Variants in CLDN10 observed in about 807,000 individuals in gnomAD.
CLDN10 encodes the protein claudin-10.
In CLDN10, 15 loss-of-function variants were observed where a neutral mutation model predicts 22.9. The ratio of observed to expected loss-of-function variants is 0.65; its 90% CI spans 0.44 to 1.01. CLDN10 has a LOEUF of 1.01. Ranked by LOEUF, CLDN10 falls within the 50% of genes least tolerant of loss-of-function variation. The pLI, the probability that CLDN10 is intolerant of heterozygous loss-of-function variation, is 0.00. For missense variants in CLDN10, 247 were observed against 287.8 expected, an observed-to-expected ratio of 0.86 and a Z score of 1.03; for synonymous variants, 114 against 111.4, an observed-to-expected ratio of 1.02 and a Z score of -0.15.
intron 3 of CLDN10, 104 bp from the exon 4 acceptor site, chr13:95,577,127 C>A: frequency 1.3e-6 from 1 of 746,432 alleles, no homozygotes; most frequent in Non-Finnish European, 2.2e-6. Flanking sequence ...TTTTCAATAG[C>A]AAAAAAACAT....
intron 1 of CLDN10, among the ~76,000 whole-genome samples, chr13:95,483,709 A>G (rs1020177572): frequency 1.3e-5 from 2 of 152,202 alleles, no homozygotes; most frequent in African/African-American, 2.4e-5. Context: ...AGTTAGGTGG[A>G]CTTTTAGAAA....
intron 1 of CLDN10, among the ~76,000 whole-genome samples, chr13:95,484,865 C>CAAAAAAAAA: frequency 1.1e-5 from 1 of 93,640 alleles, no homozygotes; most frequent in Non-Finnish European, 2.1e-5. Context: ...GACCCTGTCT[C>CAAAAAAAAA]AAAAAAAAAA....
chr13:95,453,607 C>T (rs966328329), intron 1 of CLDN10, among the ~76,000 whole-genome samples: 1 of 151,986 alleles, frequency 6.6e-6, no homozygotes, highest in African/African-American at 2.4e-5. Flanking sequence ...TCACTTGAAC[C>T]CAGGAAGTGG....
At chr13:95,495,754 A>AAG (rs2138526145) in intron 1 of CLDN10, among the ~76,000 whole-genome samples, 2 of 150,470 alleles carry the variant, frequency 1.3e-5, no homozygotes, top group East Asian at 3.9e-4. Flanking sequence ...AAAAAAAAAA[A>AAG]AAAAGAAAAG....
chr13:95,567,934 C>T (rs2043806244), intron 3 of CLDN10, among the ~76,000 whole-genome samples: 1 of 152,128 alleles, frequency 6.6e-6, no homozygotes, highest in African/African-American at 2.4e-5. Context: ...TATTGATTTG[C>T]ATGTGAACAA....
chr13:95,534,878 G>A (rs2043383892), intron 1 of CLDN10, among the ~76,000 whole-genome samples: 1 of 152,104 alleles, frequency 6.6e-6, no homozygotes, highest in Admixed American at 6.6e-5. Flanking sequence ...AAGAATCTGT[G>A]TTTATTCTCA....
intron 1 of CLDN10, among the ~76,000 whole-genome samples, chr13:95,509,410 G>T (rs2043072321): frequency 6.6e-6 from 1 of 152,118 alleles, no homozygotes; most frequent in African/African-American, 2.4e-5. Context: ...CTGGGGGTCA[G>T]GTCTGACATC....
intron 1 of CLDN10, among the ~76,000 whole-genome samples, chr13:95,453,969 G>A (rs763994803): frequency 6.6e-5 from 10 of 151,980 alleles, no homozygotes; most frequent in Non-Finnish European, 1.2e-4. Context: ...GCTTCTGACA[G>A]CCCTGAATCT....
At chr13:95,463,078 C>T (rs1022695927) in intron 1 of CLDN10, among the ~76,000 whole-genome samples, 5 of 151,980 alleles carry the variant, frequency 3.3e-5, no homozygotes, top group Admixed American at 6.6e-5. Flanking sequence ...AGGGCAAGCC[C>T]TCTAACCAGG....
chr13:95,569,465 T>TC (rs1204754598), intron 3 of CLDN10, among the ~76,000 whole-genome samples: 1 of 152,016 alleles, frequency 6.6e-6, no homozygotes, highest in Non-Finnish European at 1.5e-5. Context: ...GTGCTTGTAG[T>TC]CCCAGCTACT....
intron 1 of CLDN10, 120 bp downstream of exon 1, chr13:95,553,093 C>A: frequency 1.5e-6 from 2 of 1,341,996 alleles, no homozygotes; most frequent in Non-Finnish European, 2.0e-6. Context: ...TGAGGCCCGA[C>A]CCGTCTCTCC....
intron 1 of CLDN10, among the ~76,000 whole-genome samples, chr13:95,435,222 C>T (rs943720195): frequency 3.3e-5 from 5 of 152,190 alleles, no homozygotes; most frequent in African/African-American, 9.6e-5. Flanking sequence ...GATACATTTA[C>T]AAATCTGCCA....
At chr13:95,487,253 A>G (rs1000713351) in intron 1 of CLDN10, among the ~76,000 whole-genome samples, 1 of 152,188 alleles carries the variant, frequency 6.6e-6, no homozygotes, top group African/African-American at 2.4e-5. Flanking sequence ...TGTTTGCAGG[A>G]CTTACTTTTC....
At chr13:95,470,884 G>C (rs191680406) in intron 1 of CLDN10, among the ~76,000 whole-genome samples, 3 of 152,236 alleles carry the variant, frequency 2.0e-5, no homozygotes, top group Admixed American at 2.0e-4. Flanking sequence ...TTCATCCACA[G>C]CCGACGTGCT....
intron 1 of CLDN10, among the ~76,000 whole-genome samples, chr13:95,499,659 TG>T (rs2042964709): frequency 6.6e-6 from 1 of 151,982 alleles, no homozygotes; most frequent in Non-Finnish European, 1.5e-5. Flanking sequence ...CTGCTGCCAG[TG>T]GAGGTGGAAG....
chr13:95,520,794 A>G (rs999126335), intron 1 of CLDN10, among the ~76,000 whole-genome samples: 2 of 152,142 alleles, frequency 1.3e-5, no homozygotes, highest in African/African-American at 4.8e-5. Flanking sequence ...CATCCTCGCC[A>G]ACATAGTGAA....
chr13:95,467,823 A>AG (rs2042594848), intron 1 of CLDN10, among the ~76,000 whole-genome samples: 1 of 152,238 alleles, frequency 6.6e-6, no homozygotes, highest in African/African-American at 2.4e-5. Context: ...TTCAGTCCAC[A>AG]GGCCAGCAGG....
intron 3 of CLDN10, among the ~76,000 whole-genome samples, chr13:95,569,514 G>T (rs1447849976): frequency 6.6e-6 from 1 of 152,142 alleles, no homozygotes; most frequent in African/African-American, 2.4e-5. Context: ...AACCTGGGGG[G>T]TGGAGGTTGC....
At chr13:95,476,725 A>T (rs1222067235) in intron 1 of CLDN10, among the ~76,000 whole-genome samples, 1 of 152,066 alleles carries the variant, frequency 6.6e-6, no homozygotes, top group Non-Finnish European at 1.5e-5. Context: ...TACCATGTGG[A>T]TGAAAAGGGG....
Sources: allele counts gnomAD v4.1 joint callset (sites outside exome capture counted in the v4.1 genomes callset), GRCh38; gene constraint gnomAD v4.1.1; transcripts MANE v1.5; gene names NCBI Gene and HGNC (gene_info 2026-07-23, HGNC 2026-07-21).